The following MCC variants were observed in gnomAD, a reference collection of about 807,000 sequenced individuals.
MCC encodes the protein MCC regulator of Wnt signaling pathway, also known as colorectal mutant cancer protein.
MCC carries 90 observed loss-of-function variants against 116.2 expected under a neutral mutation model. The observed-to-expected ratio is 0.77, with a 90% confidence interval of 0.65 to 0.92. The LOEUF is 0.92. Among genes scored for constraint, MCC ranks in the 40% least tolerant of loss-of-function variants. The probability of loss-of-function intolerance (pLI) is 0.00; values close to 1 mark genes in which losing one functional copy is unlikely to be tolerated. For synonymous variants in MCC, 578 were observed against 510.5 expected, an observed-to-expected ratio of 1.13 and a Z score of -1.78; for missense variants, 1,516 against 1,312.2, an observed-to-expected ratio of 1.16 and a Z score of -2.40.
intron 1 of MCC, among the ~76,000 whole-genome samples, chr5:113,398,291 C>G (rs1769587657): frequency 1.3e-5 from 2 of 152,114 alleles, no homozygotes; most frequent in African/African-American, 4.8e-5. Context: ...TCTCAAAGAA[C>G]TAAACATGGA....
In MCC at chr5:113,292,137, T is replaced by C. The variant is rs192666272; in HGVS notation, c.627+48382A>G. On this transcript the variant is annotated intron_variant, in intron 3 of 18. Coordinates refer to ENST00000408903, the MANE Select transcript of MCC (RefSeq NM_001085377.2). ...ATTCCAGCTACTCGGGAGACTGAGG[T>C]AAGAGAATCGCTTGAACCCGGGAGG... Among the ~76,000 whole-genome samples, 16 of 151,946 alleles carry C rather than the reference T, an allele frequency of 1.1e-4. No individual in the cohort carries two copies. In the East Asian group the frequency reaches 3.1e-3, roughly 30 times the overall value.
chr5:113,039,886 C>T (rs1000694161), intron 17 of MCC, among the ~76,000 whole-genome samples: 1 of 152,136 alleles, frequency 6.6e-6, no homozygotes, highest in African/African-American at 2.4e-5. Context: ...TGAAAATTCC[C>T]TTATTTAGCT....
intron 1 of MCC, chr5:113,435,016 G>T: frequency 1.4e-6 from 1 of 714,228 alleles, no homozygotes; most frequent in South Asian, 2.5e-5. Flanking sequence ...TCTCCCAGAT[G>T]ACTTCAGCGA....
chr5:113,068,982 AAGG>A (rs1753827896), intron 12 of MCC, among the ~76,000 whole-genome samples: 1 of 152,256 alleles, frequency 6.6e-6, no homozygotes, highest in Non-Finnish European at 1.5e-5. Context: ...AACATCCCAC[AAGG>A]AGATGATTTT....
At chr5:113,028,317 A>C (rs543749243) in intron 18 of MCC, among the ~76,000 whole-genome samples, 3 of 152,350 alleles carry the variant, frequency 2.0e-5, no homozygotes, top group African/African-American at 7.2e-5. Context: ...AGATTTGCAG[A>C]ATTGTAAGAC....
At chr5:113,214,148 C>A (rs550200589) in intron 3 of MCC, among the ~76,000 whole-genome samples, 1 of 152,220 alleles carries the variant, frequency 6.6e-6, no homozygotes, top group African/African-American at 2.4e-5. Flanking sequence ...CAAGGCCACA[C>A]ACTGAGCAGC....
At chr5:113,380,318 A>G (rs1769085855) in intron 2 of MCC, among the ~76,000 whole-genome samples, 3 of 152,212 alleles carry the variant, frequency 2.0e-5, no homozygotes, top group Admixed American at 1.3e-4. Context: ...CCTCTTACAG[A>G]GCAGACCATA....
chr5:113,218,123 G>A (rs1271878047), intron 3 of MCC, among the ~76,000 whole-genome samples: 3 of 136,230 alleles, frequency 2.2e-5, no homozygotes, highest in Non-Finnish European at 3.1e-5. Context: ...GAAACTGGGG[G>A]GAGTATGGAG....
chr5:113,176,306 G>A lies in MCC; in HGVS notation c.628-24884C>T, dbSNP rs59337749. On this transcript the variant is annotated intron_variant, in intron 3 of 18. Transcript: ENST00000408903. ...GGACTGTATTAACAGCCCAGCACTA[G>A]CAGTGGATGTACAGAGAGGAGCTGT... 7.4e-3 allele frequency among the ~76,000 whole-genome samples: 1,130 copies of A among 152,326 alleles called. 23 individuals carry two copies. Among genetic ancestry groups the A allele is most frequent in the African/African-American group, 0.026 (1,065 of 41,590 alleles).
intron 6 of MCC, among the ~76,000 whole-genome samples, chr5:113,119,607 A>C (rs1757617168): frequency 6.6e-6 from 1 of 152,208 alleles, no homozygotes; most frequent in African/African-American, 2.4e-5. Context: ...TCTAGGCTTG[A>C]AGGATTTGAG....
chr5:113,231,268 C>T (rs1763932761), intron 3 of MCC, among the ~76,000 whole-genome samples: 2 of 152,070 alleles, frequency 1.3e-5, no homozygotes, highest in South Asian at 4.1e-4. Context: ...GAGAGTTTCC[C>T]AGTTTTAGAA....
At chr5:113,175,848 G>A (rs768788256) in intron 3 of MCC, among the ~76,000 whole-genome samples, 10 of 151,788 alleles carry the variant, frequency 6.6e-5, no homozygotes, top group Non-Finnish European at 1.2e-4. Flanking sequence ...CCATAAATGA[G>A]TCTGGAGACA....
intron 8 of MCC, among the ~76,000 whole-genome samples, chr5:113,089,331 G>A (rs1755435468): frequency 6.6e-6 from 1 of 152,208 alleles, no homozygotes. Flanking sequence ...AGATAATGGG[G>A]AGACTCTGGA....
chr5:113,430,790 C>T (rs1342487725), intron 1 of MCC, among the ~76,000 whole-genome samples: 2 of 152,102 alleles, frequency 1.3e-5, no homozygotes, highest in South Asian at 2.1e-4. Context: ...GGGTGGTCAG[C>T]GTGAAGAGAC....
At chr5:113,029,271 C>G (rs1369942437) in intron 17 of MCC, among the ~76,000 whole-genome samples, 1 of 151,730 alleles carries the variant, frequency 6.6e-6, no homozygotes, top group Non-Finnish European at 1.5e-5. Context: ...ATGACAAGGG[C>G]TTTTTAAAGA....
chr5:113,237,996 A>G (rs4705550), intron 3 of MCC, among the ~76,000 whole-genome samples: 44,548 of 152,096 alleles, frequency 0.29, 11,185 homozygotes, highest in African/African-American at 0.67. Context: ...TGGAGGAAGC[A>G]TGCTTTGTGG....
intron 1 of MCC, among the ~76,000 whole-genome samples, chr5:113,451,454 G>T (rs1174253852): frequency 1.3e-5 from 2 of 152,222 alleles, no homozygotes; most frequent in African/African-American, 4.8e-5. Context: ...GAAAACTGAG[G>T]CTGGGTGCGG....
chr5:113,299,991 G>A (rs1766822117), intron 3 of MCC, among the ~76,000 whole-genome samples: 1 of 152,170 alleles, frequency 6.6e-6, no homozygotes, highest in African/African-American at 2.4e-5. Flanking sequence ...AGTGGAAGCT[G>A]CCCTGGGCAT....
intron 1 of MCC, among the ~76,000 whole-genome samples, chr5:113,414,546 T>C (rs113960818): frequency 0.012 from 1,873 of 152,322 alleles, 52 homozygotes; most frequent in African/African-American, 0.043. Context: ...TTTTAATCTT[T>C]GTTGGTTTAA....
Sources: allele counts gnomAD v4.1 joint callset (sites outside exome capture counted in the v4.1 genomes callset), GRCh38; gene constraint gnomAD v4.1.1; transcripts MANE v1.5; gene names NCBI Gene and HGNC (gene_info 2026-07-23, HGNC 2026-07-21).